The following USP20 variants were observed in gnomAD, a reference collection of about 807,000 sequenced individuals.
USP20 encodes ubiquitin specific peptidase 20, also known as ubiquitin carboxyl-terminal hydrolase 20.
In USP20, 80 loss-of-function variants were observed where a neutral mutation model predicts 124.2. The ratio of observed to expected loss-of-function variants is 0.64; its 90% CI spans 0.54 to 0.78. The LOEUF (loss-of-function observed/expected upper bound fraction) is 0.78, where lower values mean the gene tolerates loss of function less well. USP20 is among the 30% of genes least tolerant of loss of function. USP20 has a pLI of 0.00. For synonymous variants in USP20, 481 were observed against 512.3 expected, an observed-to-expected ratio of 0.94 and a Z score of 0.83; for missense variants, 1,043 against 1,244.4, an observed-to-expected ratio of 0.84 and a Z score of 2.44.
In USP20 at chr9:129,876,244, TGCGGCGAG is replaced by T. The variant is rs2034403361; in HGVS notation, c.2409+13_2409+20del. ...AGATCGACACCTTCATCAAGGTGCG[TGCGGCGAG>T]GCGGCGCGGGGGCGGCTCTGCCAGC... On this transcript the variant is annotated splice_region_variant and intron_variant, in intron 22 of 25. Coordinates refer to ENST00000372429, the MANE Select transcript of USP20 (RefSeq NM_001110303.4). 1.2e-6 allele frequency: 2 copies of T among 1,607,810 alleles called. No individual in the cohort carries two copies. The highest frequency in any genetic ancestry group is 1.7e-6 in the Non-Finnish European group (2 of 1,177,362).
intron 10 of USP20, among the ~76,000 whole-genome samples, chr9:129,865,630 C>G (rs2033785429): frequency 6.6e-6 from 1 of 152,204 alleles, no homozygotes; most frequent in African/African-American, 2.4e-5. Flanking sequence ...CTTGCACAGG[C>G]CACACAGCTA....
chr9:129,869,078 C>T (rs2033981629), intron 12 of USP20, 76 bp downstream of exon 12: 5 of 1,497,072 alleles, frequency 3.3e-6, no homozygotes, highest in Admixed American at 2.3e-5. Context: ...TTTCTCATGG[C>T]CCCCTGTGGC....
chr9:129,863,058 G>C (rs902675803), intron 8 of USP20, 128 bp from the exon 9 acceptor site: 18 of 548,532 alleles, frequency 3.3e-5, no homozygotes, highest in East Asian at 2.5e-4. Flanking sequence ...TCACCTTCAG[G>C]AGTTTCTGGG....
At chr9:129,852,382 A>G (rs11999367) in intron 2 of USP20, among the ~76,000 whole-genome samples, 158 bp from the exon 3 acceptor site, 23,233 of 152,178 alleles carry the variant, frequency 0.15, 2,394 homozygotes, top group African/African-American at 0.29. Context: ...TAGACAAGGA[A>G]AGTGATGCTC....
At chr9:129,860,912 T>C in intron 6 of USP20, 25 bp from the exon 7 acceptor site, 1 of 1,611,604 alleles carries the variant, frequency 6.2e-7, no homozygotes, top group Non-Finnish European at 8.5e-7. Flanking sequence ...TTCACTGTTT[T>C]CCTCACTTTG....
intron 1 of USP20, among the ~76,000 whole-genome samples, chr9:129,836,852 C>T (rs73540364): frequency 0.036 from 5,467 of 151,132 alleles, 320 homozygotes; most frequent in African/African-American, 0.13. Flanking sequence ...TGGAGAGGCT[C>T]CTTGGGAATT....
At chr9:129,848,754 C>T (rs1041804550) in intron 1 of USP20, among the ~76,000 whole-genome samples, 19 of 152,144 alleles carry the variant, frequency 1.2e-4, no homozygotes, top group African/African-American at 4.6e-4. Flanking sequence ...AAAACCCACA[C>T]CACTGCAGCT....
At chr9:129,857,677 C>T (rs1422307804) in intron 4 of USP20, among the ~76,000 whole-genome samples, 2 of 152,166 alleles carry the variant, frequency 1.3e-5, no homozygotes, top group Non-Finnish European at 2.9e-5. Flanking sequence ...CTAGGATCCC[C>T]ACCAAAAACA....
chr9:129,861,616 G>T lies in USP20; in HGVS notation c.497+4G>T. ...CCCTGCAGGCCCTGTCCAATTGGTAGGTCGACACTTTGTCCGAGGGCCGAG... is the reference window on the plus strand; with the variant it reads ...CCCTGCAGGCCCTGTCCAATTGGTATGTCGACACTTTGTCCGAGGGCCGAG... On this transcript the variant is annotated splice_donor_region_variant and intron_variant, in intron 8 of 25. Coordinates refer to ENST00000372429, the MANE Select transcript of USP20 (RefSeq NM_001110303.4). 1 of 1,614,054 alleles carries T rather than the reference G, an allele frequency of 6.2e-7. No individual in the cohort carries two copies. The highest frequency in any genetic ancestry group is 1.6e-4 in the Middle Eastern group (1 of 6,062).
In USP20 at chr9:129,875,333, G is replaced by A. The variant is rs370943586; in HGVS notation, c.2072G>A (p.Arg691Gln). The A allele has an allele frequency of 1.3e-5, 21 of 1,611,184 alleles. No homozygotes were observed. In the East Asian group the frequency reaches 3.3e-4, roughly 26 times the overall value. The change falls in exon 20 of 26, where the codon CGG (arginine) becomes CAG (glutamine). Residue 691 changes from arginine to glutamine, a missense_variant. Arg to Gln is a conservative substitution (Grantham distance 43). Transcript: ENST00000372429. ...FYRKSSEEAM[R>Q]ERQQVVSLAA... ...AGGAAGAGCAGCGAGGAGGCCATGC[G>A]GGAGCGACAGCAGGTGGTGTCCCTG...
chr9:129,866,988 C>T (rs1370487080), intron 10 of USP20, among the ~76,000 whole-genome samples: 1 of 152,168 alleles, frequency 6.6e-6, no homozygotes, highest in Non-Finnish European at 1.5e-5. Context: ...CCCTTCCCTG[C>T]ACATGAGTGG....
At position 129,869,457 on chromosome 9, in the gene USP20, C is replaced by T. The variant is rs751365946; in HGVS notation, c.1392+32C>T. On this transcript the variant is annotated intron_variant, in intron 13 of 25. Transcript: ENST00000372429. ...GCCCCAGGGATGGGGGGAGCTGGGC[C>T]AGGCTGCCAGTGGCCTCAGCAGCTC... 50 of 1,602,742 alleles carry T rather than the reference C, an allele frequency of 3.1e-5. No homozygotes were observed. The East Asian group carries it at 1.0e-3, about 34-fold the overall frequency.
At chr9:129,852,029 G>A (rs1350863056) in intron 2 of USP20, among the ~76,000 whole-genome samples, 1 of 152,164 alleles carries the variant, frequency 6.6e-6, no homozygotes, top group African/African-American at 2.4e-5. Context: ...TGGGATAAGT[G>A]GTCTGCCAGC....
Position 129,868,203 on chromosome 9 carries a change from G to A in USP20, c.889G>A (p.Gly297Arg), listed in dbSNP as rs201112284. 2.8e-5 allele frequency: 45 copies of A among 1,614,042 alleles called. No homozygotes were observed. Among genetic ancestry groups the A allele is most frequent in the African/African-American group, 6.7e-5 (5 of 75,056 alleles). The change falls in exon 11 of 26, where the codon GGG becomes AGG. Residue 297 changes from glycine (G) to arginine (R), a missense_variant. Physicochemically the swap from Gly to Arg is moderately radical, Grantham distance 125. Coordinates refer to ENST00000372429, the MANE Select transcript of USP20 (RefSeq NM_001110303.4). Reference sequence around the variant, plus strand: ...GAGCAGTGACCGGGGTGAGGGTGACGGGCAGGGGCGTGGCGGGGGCAGCTC... The same window carrying A: ...GAGCAGTGACCGGGGTGAGGGTGACAGGCAGGGGCGTGGCGGGGGCAGCTC... ...DSSSDRGEGD[G>R]QGRGGGSSQA...
At chr9:129,848,501 A>C (rs376899715) in intron 1 of USP20, among the ~76,000 whole-genome samples, 2 of 151,736 alleles carry the variant, frequency 1.3e-5, no homozygotes, top group East Asian at 3.9e-4. Context: ...TGAGTCTGTT[A>C]AATTAGCCGG....
In USP20 at chr9:129,878,381, A is replaced by C; in HGVS notation, c.2453A>C (p.Tyr818Ser). Residue 818 changes from tyrosine (Y) to serine (S), a missense_variant, in exon 23 of 26, where the codon TAC becomes TCC. By Grantham distance (144) the Tyr-to-Ser change is moderately radical. Coordinates refer to ENST00000372429, the MANE Select transcript of USP20 (RefSeq NM_001110303.4). Reference protein sequence around the residue: ...FQAEESPGVIYCISMQWFREW... With the variant: ...FQAEESPGVISCISMQWFREW... Reference sequence around the variant, plus strand: ...GCCGAGGAGTCGCCGGGCGTCATCTACTGCATCAGCATGCAGTGGTTCCGG... The same window carrying C: ...GCCGAGGAGTCGCCGGGCGTCATCTCCTGCATCAGCATGCAGTGGTTCCGG... 6.2e-7 allele frequency: 1 copy of C among 1,609,900 alleles called. No homozygotes were observed. Among genetic ancestry groups the C allele is most frequent in the African/African-American group, 1.3e-5 (1 of 74,988 alleles).
At position 129,879,853 on chromosome 9, in the gene USP20, G is replaced by A. The variant is rs2034566173; in HGVS notation, c.2584+209G>A. Among the ~76,000 whole-genome samples, 1 of 152,134 alleles carries A rather than the reference G, an allele frequency of 6.6e-6. No homozygotes were observed. The highest frequency in any genetic ancestry group is 1.5e-5 in the Non-Finnish European group (1 of 68,028). ...TCCAGGTCCCACCCCTCTGCCTGCT[G>A]CTGGCCTTGCCCACCCTGCTGTTTA... On this transcript the variant is annotated intron_variant, in intron 24 of 25. Coordinates refer to ENST00000372429, the MANE Select transcript of USP20 (RefSeq NM_001110303.4). This position sits in a 1 kb window ranked among gnomAD's most constrained non-coding sequence, Gnocchi z 4.2.
chr9:129,879,683 C>A lies in USP20; in HGVS notation c.2584+39C>A, dbSNP rs1394454844. The A allele has an allele frequency of 6.2e-7, 1 of 1,609,070 alleles. No individual in the cohort carries two copies. Among genetic ancestry groups the A allele is most frequent in the Non-Finnish European group, 8.5e-7 (1 of 1,175,774 alleles). On this transcript the variant is annotated intron_variant, in intron 24 of 25. Transcript: ENST00000372429. This position sits in a 1 kb window ranked among gnomAD's most constrained non-coding sequence, Gnocchi z 4.2. ...GGGGTCAGCCAGGCTCCTCTCTGCCCTTCCTGGCTGCCAGGCTGCTGCCCA... is the reference window on the plus strand; with the variant it reads ...GGGGTCAGCCAGGCTCCTCTCTGCCATTCCTGGCTGCCAGGCTGCTGCCCA...
intron 1 of USP20, among the ~76,000 whole-genome samples, chr9:129,848,871 C>G: frequency 6.6e-6 from 1 of 152,242 alleles, no homozygotes; most frequent in East Asian, 1.9e-4. Flanking sequence ...AATTTGGAAT[C>G]TTGAAGCTGT....
Sources: gnomAD v4.1 joint callset for allele counts (sites outside exome capture counted in the v4.1 genomes callset) on GRCh38, gnomAD v4.1.1 for gene constraint, Gnocchi (gnomAD v3.1) non-coding constraint, MANE v1.5 for transcripts, NCBI Gene and HGNC (gene_info 2026-07-23, HGNC 2026-07-21) for gene names.